The following IGF1R variants were observed in gnomAD, a reference collection of about 807,000 sequenced individuals.
The protein encoded by IGF1R is insulin like growth factor 1 receptor, also known as insulin-like growth factor 1 receptor.
Under a neutral mutation model 144.6 loss-of-function variants are expected in IGF1R, and 44 were observed. The ratio of observed to expected loss-of-function variants is 0.30; its 90% CI spans 0.24 to 0.39. The LOEUF is 0.39. IGF1R is among the 10% of genes least tolerant of loss of function. The pLI, the probability that IGF1R is intolerant of heterozygous loss-of-function variation, is 1.00. For missense variants in IGF1R, 1,355 were observed against 1,833.7 expected (o/e 0.74, Z 4.77); for synonymous variants, 795 against 722.8 (o/e 1.10, Z -1.60).
At chr15:98,930,123 T>C in intron 14 of IGF1R, 112 bp from the exon 15 acceptor site, 2 of 797,044 alleles carry the variant, frequency 2.5e-6, no homozygotes, top group South Asian at 1.5e-5. Context: ...CCCCATTCTG[T>C]TCTGATACCG....
At chr15:98,946,785 C>A (rs61596460) in intron 19 of IGF1R, among the ~76,000 whole-genome samples, 1 of 152,044 alleles carries the variant, frequency 6.6e-6, no homozygotes, top group Non-Finnish European at 1.5e-5. Context: ...GGAGCCGTGC[C>A]GTGAGAACTG....
At chr15:98,775,628 C>A (rs2055693778) in intron 2 of IGF1R, among the ~76,000 whole-genome samples, 1 of 152,188 alleles carries the variant, frequency 6.6e-6, no homozygotes, top group South Asian at 2.1e-4. Flanking sequence ...CTATAAGGAT[C>A]AGAGCAACAC....
chr15:98,867,179 G>C (rs964128399), intron 2 of IGF1R, among the ~76,000 whole-genome samples: 21 of 147,030 alleles, frequency 1.4e-4, no homozygotes, highest in African/African-American at 5.1e-4. Context: ...GAGAGAGAGA[G>C]AGAGAAATAA....
intron 2 of IGF1R, among the ~76,000 whole-genome samples, chr15:98,876,230 AG>A (rs2013051414): frequency 6.6e-6 from 1 of 152,126 alleles, no homozygotes; most frequent in Non-Finnish European, 1.5e-5. Context: ...CTCTTCAACT[AG>A]GATTTTACTC....
intron 10 of IGF1R, among the ~76,000 whole-genome samples, chr15:98,917,802 A>G (rs918800710): frequency 3.9e-5 from 6 of 152,200 alleles, no homozygotes; most frequent in Admixed American, 2.0e-4. Flanking sequence ...GGTGACAGAA[A>G]GTAGATTTGA....
chr15:98,889,576 T>C (rs765975095), intron 2 of IGF1R, among the ~76,000 whole-genome samples: 1 of 152,268 alleles, frequency 6.6e-6, no homozygotes, highest in Admixed American at 6.5e-5. Flanking sequence ...TGTTAAATGT[T>C]TGTGGAATTC....
At chr15:98,650,456 A>G (rs2052331237) in intron 1 of IGF1R, among the ~76,000 whole-genome samples, 1 of 152,024 alleles carries the variant, frequency 6.6e-6, no homozygotes, top group South Asian at 2.1e-4. Context: ...TCTTCCGGGG[A>G]GCGCCACTGG....
chr15:98,887,434 A>G (rs1002275969), intron 2 of IGF1R, among the ~76,000 whole-genome samples: 8 of 142,976 alleles, frequency 5.6e-5, no homozygotes, highest in African/African-American at 2.1e-4. Context: ...CGTTCTTATT[A>G]CTACTGCATT....
At position 98,922,402 on chromosome 15, in the gene IGF1R, A is replaced by G. The variant is rs759804883; in HGVS notation, c.2456A>G (p.Asn819Ser). 6.2e-7 allele frequency: 1 copy of G among 1,613,250 alleles called. No homozygotes were observed. The highest frequency in any genetic ancestry group is 1.3e-5 in the African/African-American group (1 of 74,916). Residue 819 changes from asparagine (N) to serine (S), a missense_variant, in exon 11 of 21, where the codon AAC (asparagine) becomes AGC (serine). By Grantham distance (46) the Asn-to-Ser change is conservative. Around this residue, in one of 7 missense-constraint regions of IGF1R, gnomAD observed 880 missense variants for 1,202.7 expected, o/e 0.73. Coordinates refer to ENST00000650285, the MANE Select transcript of IGF1R (RefSeq NM_000875.5). ...GAGAAGCTGGGCTGCAGCGCCTCCA[A>G]CTTCGTCTTTGCAAGGACTATGCCC... ...EAEKLGCSAS[N>S]FVFARTMPAE...
At chr15:98,922,875 T>TTTAGTCA (rs1410722568) in intron 11 of IGF1R, among the ~76,000 whole-genome samples, 6 of 152,192 alleles carry the variant, frequency 3.9e-5, no homozygotes, top group Non-Finnish European at 7.3e-5. Flanking sequence ...GTCTTGCTTA[T>TTTAGTCA]TTAGTCTTTG....
chr15:98,941,983 A>C (rs1024722016), intron 18 of IGF1R, among the ~76,000 whole-genome samples: 1 of 152,242 alleles, frequency 6.6e-6, no homozygotes, highest in Non-Finnish European at 1.5e-5. Context: ...ATTATGTGGC[A>C]TCTTCTGGAG....
At chr15:98,861,297 G>T (rs906876040) in intron 2 of IGF1R, among the ~76,000 whole-genome samples, 7 of 152,174 alleles carry the variant, frequency 4.6e-5, no homozygotes, top group Non-Finnish European at 8.8e-5. Context: ...AAATATACAT[G>T]CAGGGACATT....
At chr15:98,716,752 G>A (rs2054127002) in intron 2 of IGF1R, among the ~76,000 whole-genome samples, 1 of 150,878 alleles carries the variant, frequency 6.6e-6, no homozygotes, top group South Asian at 2.1e-4. Context: ...AGTCAAGGAG[G>A]AATAAGGGCT....
intron 2 of IGF1R, among the ~76,000 whole-genome samples, chr15:98,820,143 C>T (rs1814185510): frequency 6.6e-6 from 1 of 152,102 alleles, no homozygotes; most frequent in South Asian, 2.1e-4. Flanking sequence ...CATCACTAGT[C>T]CTTCACGGAT....
rs900879140 is a variant in IGF1R, at chr15:98,649,233, G to GC, written c.-344dup. On this transcript the variant is annotated 5_prime_UTR_variant, in exon 1 of 21. Coordinates refer to ENST00000650285, the MANE Select transcript of IGF1R (RefSeq NM_000875.5). ...CCTCGCCTAGGCAGATTTGGGCTTTGCCCCCTTTCTTTGCAGTTTTCCCCC... is the reference window on the plus strand; with the variant it reads ...CCTCGCCTAGGCAGATTTGGGCTTTGCCCCCCTTTCTTTGCAGTTTTCCCCC... 2.7e-5 allele frequency: 6 copies of GC among 218,450 alleles called. No homozygotes were observed. The Admixed American group carries it at 2.9e-4, about 11-fold the overall frequency. The allele number at this position is 218,450 out of a possible 1,614,324, so 13.5% of individuals were successfully genotyped here.
chr15:98,734,918 A>G (rs2054577897), intron 2 of IGF1R, among the ~76,000 whole-genome samples: 1 of 152,200 alleles, frequency 6.6e-6, no homozygotes, highest in African/African-American at 2.4e-5. Flanking sequence ...GTATGTAAAC[A>G]CTGGCCCTAA....
chr15:98,696,816 G>A (rs914339754), intron 1 of IGF1R, among the ~76,000 whole-genome samples: 1 of 152,188 alleles, frequency 6.6e-6, no homozygotes, highest in Non-Finnish European at 1.5e-5. Context: ...CCTGGCTGAT[G>A]ATGGGATTGG....
At chr15:98,775,923 TG>T (rs2055701718) in intron 2 of IGF1R, among the ~76,000 whole-genome samples, 1 of 152,186 alleles carries the variant, frequency 6.6e-6, no homozygotes, top group Admixed American at 6.5e-5. Flanking sequence ...TAGGGAGGTG[TG>T]TTGTGGGAGG....
chr15:98,837,130 G>A (rs1021936074), intron 2 of IGF1R, among the ~76,000 whole-genome samples: 1 of 151,932 alleles, frequency 6.6e-6, no homozygotes, highest in Non-Finnish European at 1.5e-5. Context: ...TTGCTCTGTT[G>A]CCCAGGCAGG....
Sources: allele counts gnomAD v4.1 joint callset (sites outside exome capture counted in the v4.1 genomes callset), GRCh38; gene constraint gnomAD v4.1.1; regional missense constraint gnomAD v4.1.1; transcripts MANE v1.5; gene names NCBI Gene and HGNC (gene_info 2026-07-23, HGNC 2026-07-21).